Variants in METTL15 observed in about 807,000 individuals in gnomAD.
METTL15 encodes methyltransferase 15, mitochondrial 12S rRNA N4-cytidine, also known as 12S rRNA N(4)-cytidine methyltransferase METTL15.
METTL15 carries 34 observed loss-of-function variants against 38.3 expected under a neutral mutation model. The ratio of observed to expected loss-of-function variants is 0.89; its 90% CI spans 0.68 to 1.18. METTL15 has a LOEUF of 1.18. Ranked by LOEUF, METTL15 falls within the 50% of genes most tolerant of loss-of-function variation. METTL15 has a pLI of 0.00. For synonymous variants in METTL15, 162 were observed against 170.9 expected (o/e 0.95, Z 0.41); for missense variants, 438 against 498.4 (o/e 0.88, Z 1.15).
intron 3 of METTL15, among the ~76,000 whole-genome samples, chr11:28,147,388 A>G (rs1849924676): frequency 6.6e-6 from 1 of 151,872 alleles, no homozygotes; most frequent in Non-Finnish European, 1.5e-5. Context: ...TGGATTACAT[A>G]TCTTTCAGTC....
At chr11:28,153,544 GA>G (rs1720406331) in intron 3 of METTL15, among the ~76,000 whole-genome samples, 1 of 150,836 alleles carries the variant, frequency 6.6e-6, no homozygotes, top group South Asian at 2.1e-4. Context: ...TAAATGGAGA[GA>G]GAGTGAATAG....
At chr11:28,302,915 A>G (rs967307252) in intron 6 of METTL15, among the ~76,000 whole-genome samples, 10 of 152,124 alleles carry the variant, frequency 6.6e-5, no homozygotes, top group Admixed American at 2.6e-4. Context: ...GACACATATA[A>G]AAATTCTCAA....
chr11:28,119,716 G>T (rs1195503806), intron 3 of METTL15, among the ~76,000 whole-genome samples: 2 of 152,118 alleles, frequency 1.3e-5, no homozygotes, highest in East Asian at 3.9e-4. Context: ...AATGCATTAT[G>T]CTCTGTACAA....
At position 28,391,803 on chromosome 11, in the gene METTL15, CA is replaced by C. The variant is rs569268579; in HGVS notation, c.*358+29772del. Among the ~76,000 whole-genome samples, 293 of 152,228 alleles carry C rather than the reference CA, an allele frequency of 1.9e-3. 1 individual carries two copies. The highest frequency in any genetic ancestry group is 6.7e-3 in the African/African-American group (277 of 41,534). On this transcript the variant is annotated intron_variant and NMD_transcript_variant, in intron 5 of 7. Coordinates refer to the METTL15 transcript ENST00000532947. Reference sequence around the variant, plus strand: ...CTGGATCCCTTCCTTTCACCTTACACAAAAATTAATTCAAGATGGGTTAAAG... The same window carrying C: ...CTGGATCCCTTCCTTTCACCTTACACAAAATTAATTCAAGATGGGTTAAAG...
rs78051023 is a variant in METTL15, at chr11:28,484,025, A to C, written c.*425-42453A>C. On this transcript the variant is annotated intron_variant and NMD_transcript_variant, in intron 6 of 7. Transcript: ENST00000532947. The stretch of plus-strand genomic sequence containing the variant: ...AACAAGATTCTACATCTTGTTTTTA[A>C]TGACCTATTCCTCCATATTAGGAGC... Among the ~76,000 whole-genome samples the C allele has an allele frequency of 5.0e-3, 755 of 152,228 alleles. 7 individuals carry two copies. Among genetic ancestry groups the C allele is most frequent in the African/African-American group, 0.017 (721 of 41,538 alleles).
At chr11:28,314,433 A>G (rs545284523) in intron 6 of METTL15, among the ~76,000 whole-genome samples, 14 of 152,330 alleles carry the variant, frequency 9.2e-5, no homozygotes, top group African/African-American at 3.1e-4. Flanking sequence ...TGGGAAGTGC[A>G]TATGGCCCAA....
chr11:28,131,839 C>T (rs1849348395), intron 3 of METTL15, among the ~76,000 whole-genome samples: 1 of 152,132 alleles, frequency 6.6e-6, no homozygotes, highest in African/African-American at 2.4e-5. Context: ...GGAAGTATTA[C>T]TTTCAAAAGA....
chr11:28,225,376 A>ACT (rs1853433470), intron 4 of METTL15, among the ~76,000 whole-genome samples: 1 of 151,922 alleles, frequency 6.6e-6, no homozygotes. Context: ...TAAGATAAAT[A>ACT]TGCAGAAAGG....
chr11:28,370,425 G>A (rs1247492413), intron 5 of METTL15, among the ~76,000 whole-genome samples: 2 of 151,824 alleles, frequency 1.3e-5, no homozygotes, highest in East Asian at 1.9e-4. Flanking sequence ...ATTCCATGAT[G>A]TCTACATATC....
chr11:28,164,809 C>T (rs991007963), intron 3 of METTL15, among the ~76,000 whole-genome samples: 1 of 152,006 alleles, frequency 6.6e-6, no homozygotes, highest in African/African-American at 2.4e-5. Context: ...CTTATTCCTC[C>T]TGTCTTACTG....
intron 4 of METTL15, among the ~76,000 whole-genome samples, chr11:28,359,394 G>A (rs1287526522): frequency 6.6e-6 from 1 of 152,190 alleles, no homozygotes; most frequent in Non-Finnish European, 1.5e-5. Flanking sequence ...ATGAGTGCAT[G>A]TATTTTTTTG....
downstream of METTL15, among the ~76,000 whole-genome samples, chr11:28,527,220 C>T (rs893659706): frequency 1.3e-5 from 2 of 152,108 alleles, no homozygotes; most frequent in African/African-American, 4.8e-5. Context: ...TAGTTAGTTA[C>T]TTTACCTTTT....
chr11:28,218,167 A>G (rs930135099), intron 4 of METTL15, among the ~76,000 whole-genome samples: 6 of 152,126 alleles, frequency 3.9e-5, no homozygotes, highest in African/African-American at 4.8e-5. Flanking sequence ...CATTTTCACT[A>G]TATTGATTCT....
chr11:28,290,184 T>C lies in METTL15; in HGVS notation c.408-22T>C, dbSNP rs767369309. 8.2e-6 allele frequency: 13 copies of C among 1,576,454 alleles called. No individual in the cohort carries two copies. The East Asian group carries it at 1.8e-4, about 22-fold the overall frequency. On this transcript the variant is annotated intron_variant, in intron 4 of 6. Coordinates refer to ENST00000407364, the MANE Select transcript of METTL15 (RefSeq NM_001113528.2). The stretch of plus-strand genomic sequence containing the variant: ...TTCAATCTAACAGAAGTGTTTTCTC[T>C]ATCTCCTGGGTTTACTCACAGTAAA...
chr11:28,191,301 T>G (rs1851692897), intron 3 of METTL15, among the ~76,000 whole-genome samples: 1 of 151,282 alleles, frequency 6.6e-6, no homozygotes, highest in Non-Finnish European at 1.5e-5. Flanking sequence ...AAATTACCCT[T>G]TCTTTCTCCT....
At chr11:28,375,520 T>C (rs1163714837) in intron 5 of METTL15, among the ~76,000 whole-genome samples, 1 of 152,098 alleles carries the variant, frequency 6.6e-6, no homozygotes, top group Non-Finnish European at 1.5e-5. Context: ...ATATCCCCTT[T>C]ATCATTTTTT....
intron 3 of METTL15, among the ~76,000 whole-genome samples, chr11:28,188,013 T>C (rs1428594773): frequency 6.6e-6 from 1 of 151,330 alleles, no homozygotes; most frequent in Non-Finnish European, 1.5e-5. Flanking sequence ...CCACTAGCCA[T>C]GTACTCTTAG....
At chr11:28,291,524 A>G (rs1856514808) in intron 5 of METTL15, among the ~76,000 whole-genome samples, 1 of 152,100 alleles carries the variant, frequency 6.6e-6, no homozygotes, top group African/African-American at 2.4e-5. Context: ...TTATTCACAT[A>G]TAGCCTTTTT....
At chr11:28,237,159 T>A (rs891446930) in intron 4 of METTL15, among the ~76,000 whole-genome samples, 5 of 152,246 alleles carry the variant, frequency 3.3e-5, no homozygotes, top group Middle Eastern at 3.4e-3. Flanking sequence ...GCCTTGCTAG[T>A]TTGGGGAAGT....
Sources: allele counts gnomAD v4.1 joint callset (sites outside exome capture counted in the v4.1 genomes callset), GRCh38; gene constraint gnomAD v4.1.1; transcripts MANE v1.5; gene names NCBI Gene and HGNC (gene_info 2026-07-23, HGNC 2026-07-21).